The following TPH2 variants were observed in gnomAD, a reference collection of about 807,000 sequenced individuals.
TPH2 encodes tryptophan 5-hydroxylase 2.
A neutral mutation model predicts 59.1 loss-of-function variants in TPH2; 27 were observed. That is an observed-to-expected ratio of 0.46 (90% confidence interval 0.34 to 0.63). The LOEUF is 0.63. TPH2 is among the 30% of genes least tolerant of loss of function. TPH2 has a pLI of 0.01. For missense variants in TPH2, 523 were observed against 588.3 expected, an observed-to-expected ratio of 0.89 and a Z score of 1.15; for synonymous variants, 220 against 210.5, an observed-to-expected ratio of 1.05 and a Z score of -0.39.
chr12:71,943,924 A>G (rs1330892595), intron 2 of TPH2, among the ~76,000 whole-genome samples: 2 of 152,160 alleles, frequency 1.3e-5, no homozygotes, highest in African/African-American at 4.8e-5. Flanking sequence ...TCAGAAACAC[A>G]TAAATCTGGA....
intron 6 of TPH2, 21 bp from the exon 7 acceptor site, chr12:71,978,931 C>T (rs1167322652): frequency 6.2e-7 from 1 of 1,613,910 alleles, no homozygotes; most frequent in Non-Finnish European, 8.5e-7. Context: ...ATTTAGTTGG[C>T]TTTTTCTGTT....
intron 5 of TPH2, among the ~76,000 whole-genome samples, chr12:71,961,080 C>A (rs1273497923): frequency 1.3e-5 from 2 of 152,140 alleles, no homozygotes; most frequent in African/African-American, 4.8e-5. Flanking sequence ...GAAACGGAGG[C>A]CAAACCTTGA....
At chr12:71,979,239 T>C in intron 7 of TPH2, 152 bp downstream of exon 7, 1 of 1,229,780 alleles carries the variant, frequency 8.1e-7, no homozygotes, top group Non-Finnish European at 1.2e-6. Flanking sequence ...AAGGGCTCAC[T>C]GAAGGATCAG....
intron 9 of TPH2, among the ~76,000 whole-genome samples, chr12:72,030,758 G>T (rs950320807): frequency 6.6e-6 from 1 of 152,088 alleles, no homozygotes; most frequent in Non-Finnish European, 1.5e-5. Flanking sequence ...TTGATACACA[G>T]TACCTGGCCT....
intron 8 of TPH2, among the ~76,000 whole-genome samples, chr12:72,020,483 T>G (rs547485627): frequency 6.6e-6 from 1 of 152,106 alleles, no homozygotes; most frequent in African/African-American, 2.4e-5. Flanking sequence ...GGAAGGGCTG[T>G]TATTTTATTT....
chr12:71,972,453 A>G, intron 5 of TPH2, 66 bp from the exon 6 acceptor site: 1 of 1,492,140 alleles, frequency 6.7e-7, no homozygotes, highest in Non-Finnish European at 9.4e-7. Flanking sequence ...ATAGGTATTG[A>G]GGTGAGAAAA....
intron 6 of TPH2, among the ~76,000 whole-genome samples, chr12:71,975,406 C>G (rs910135549): frequency 9.9e-5 from 15 of 152,128 alleles, no homozygotes; most frequent in Admixed American, 9.2e-4. Flanking sequence ...CAAAAACAGG[C>G]AGTGGGCTGG....
intron 7 of TPH2, among the ~76,000 whole-genome samples, chr12:71,983,905 C>T (rs1182086095): frequency 1.3e-5 from 2 of 152,020 alleles, no homozygotes; most frequent in Non-Finnish European, 1.5e-5. Flanking sequence ...AAAGTGAGAG[C>T]CCAGTCTGCA....
chr12:71,973,616 G>A (rs770480138), intron 6 of TPH2, among the ~76,000 whole-genome samples: 1 of 152,130 alleles, frequency 6.6e-6, no homozygotes, highest in Non-Finnish European at 1.5e-5. Flanking sequence ...GGCAACCAGC[G>A]ATCCATTCCA....
At chr12:72,002,938 T>C (rs1872863940) in intron 8 of TPH2, among the ~76,000 whole-genome samples, 1 of 152,220 alleles carries the variant, frequency 6.6e-6, no homozygotes, top group African/African-American at 2.4e-5. Flanking sequence ...TACTTTCTCA[T>C]GCTGAGAGTT....
At chr12:72,004,114 C>T (rs1352251) in intron 8 of TPH2, among the ~76,000 whole-genome samples, 79,598 of 144,922 alleles carry the variant, frequency 0.55, 22,918 homozygotes, top group South Asian at 0.67. Flanking sequence ...AGATGCTATT[C>T]GGGATGTTTG....
chr12:71,975,561 G>A (rs1483605462), intron 6 of TPH2, among the ~76,000 whole-genome samples: 1 of 152,024 alleles, frequency 6.6e-6, no homozygotes, highest in Non-Finnish European at 1.5e-5. Context: ...CCCTTGCTGT[G>A]GGCTCTCTTT....
In TPH2 at chr12:71,939,151, C is replaced by T. The variant is rs1870984075; in HGVS notation, c.105+60C>T. On this transcript the variant is annotated intron_variant, in intron 1 of 10. Transcript: ENST00000333850. ...TTTTTTAGGGTGTGACCATCTTCTC[C>T]TCACCATATGAATCCCTTTTGTAGT... The T allele has an allele frequency of 2.4e-6, 3 of 1,243,288 alleles. No individual in the cohort carries two copies. The East Asian group carries it at 7.2e-5, about 30-fold the overall frequency. The allele number at this position is 1,243,288 out of a possible 1,614,324, so 77.0% of individuals were successfully genotyped here. A position where few individuals can be genotyped will look rare whatever the true frequency, so the allele number is the denominator to read the frequency against.
rs1192470207 is a variant in TPH2 at position 71,944,457 on chromosome 12, A to G, written c.419A>G (p.Asn140Ser). 2.5e-6 allele frequency: 4 copies of G among 1,613,892 alleles called. No individual in the cohort carries two copies. Among genetic ancestry groups the G allele is most frequent in the Non-Finnish European group, 3.4e-6 (4 of 1,179,880 alleles). The change falls in exon 3 of 11, where the codon AAC (asparagine) becomes AGC (serine). Residue 140 changes from asparagine (N) to serine (S), a missense_variant. Asn to Ser is a conservative substitution (Grantham distance 46). Coordinates refer to ENST00000333850, the MANE Select transcript of TPH2 (RefSeq NM_173353.4). ...TTIVTLNPPE[N>S]IWTEEEELED... ...ATTGTGACGCTGAATCCTCCAGAGA[A>G]CATTTGGACAGAGGAAGAAGGCAAG... is the stretch of plus-strand genomic sequence containing the variant.
At chr12:72,022,177 C>T (rs999017908) in intron 8 of TPH2, among the ~76,000 whole-genome samples, 8 of 152,018 alleles carry the variant, frequency 5.3e-5, no homozygotes, top group East Asian at 1.9e-4. Flanking sequence ...ATTCAGGAAG[C>T]GTAAGACTCT....
intron 6 of TPH2, among the ~76,000 whole-genome samples, chr12:71,973,895 C>A (rs1872044008): frequency 6.6e-6 from 1 of 151,980 alleles, no homozygotes; most frequent in African/African-American, 2.4e-5. Context: ...ACAGTGACAT[C>A]ATTTCACACT....
chr12:72,025,360 A>G (rs1873538794), intron 9 of TPH2, among the ~76,000 whole-genome samples: 1 of 152,058 alleles, frequency 6.6e-6, no homozygotes, highest in Non-Finnish European at 1.5e-5. Flanking sequence ...AAGTATCCAC[A>G]ATCATCTTCT....
chr12:72,031,782 T>C lies in TPH2; in HGVS notation c.*87T>C. ...GTCATATAACGCAAATAACCTTCTG[T>C]GTCATGGCTTGGCTAATAAGCATGC... is the stretch of plus-strand genomic sequence containing the variant. On this transcript the variant is annotated 3_prime_UTR_variant, in exon 11 of 11. Transcript: ENST00000333850. 1.3e-6 allele frequency: 2 copies of C among 1,504,460 alleles called. No homozygotes were observed. Among genetic ancestry groups the C allele is most frequent in the South Asian group, 2.3e-5 (2 of 88,254 alleles). The allele number at this position is 1,504,460 out of a possible 1,614,324, so 93.2% of individuals were successfully genotyped here.
At chr12:71,943,392 G>A (rs1871124155) in intron 2 of TPH2, among the ~76,000 whole-genome samples, 1 of 152,118 alleles carries the variant, frequency 6.6e-6, no homozygotes. Context: ...TTGTAGGTGG[G>A]TTGGGATGGA....
Sources: allele counts gnomAD v4.1 joint callset (sites outside exome capture counted in the v4.1 genomes callset), GRCh38; gene constraint gnomAD v4.1.1; transcripts MANE v1.5; gene names NCBI Gene and HGNC (gene_info 2026-07-23, HGNC 2026-07-21).